The following BBS9 variants were observed in gnomAD, a reference collection of about 807,000 sequenced individuals.
BBS9 encodes the protein protein PTHB1.
Under a neutral mutation model 117.7 loss-of-function variants are expected in BBS9, and 89 were observed. That is an observed-to-expected ratio of 0.76 (90% CI 0.64 to 0.90). The LOEUF (loss-of-function observed/expected upper bound fraction) is 0.90, where lower values mean the gene tolerates loss of function less well. Among genes scored for constraint, BBS9 ranks in the 40% least tolerant of loss-of-function variants. The probability of loss-of-function intolerance (pLI) is 0.00; values close to 1 mark genes in which losing one functional copy is unlikely to be tolerated. For synonymous variants in BBS9, 379 were observed against 370.9 expected (o/e 1.02, Z -0.25); for missense variants, 982 against 1,042.2 (o/e 0.94, Z 0.80).
intron 19 of BBS9, among the ~76,000 whole-genome samples, chr7:33,456,698 G>C (rs533503496): frequency 6.6e-6 from 1 of 151,956 alleles, no homozygotes; most frequent in East Asian, 1.9e-4. Context: ...CAGGCTTGCT[G>C]TCATGGATAA....
At chr7:33,351,443 C>A in intron 14 of BBS9, 120 bp downstream of exon 14, 1 of 768,066 alleles carries the variant, frequency 1.3e-6, no homozygotes, top group Non-Finnish European at 2.3e-6. Flanking sequence ...TTATTTTCTA[C>A]TGTTAAGTAA....
intron 11 of BBS9, among the ~76,000 whole-genome samples, chr7:33,343,927 C>T (rs1347033638): frequency 6.6e-6 from 1 of 152,006 alleles, no homozygotes. Flanking sequence ...GAAAGAATGG[C>T]ATAATATTTT....
intron 5 of BBS9, among the ~76,000 whole-genome samples, chr7:33,179,369 C>T (rs914280121): frequency 2.0e-5 from 3 of 152,126 alleles, no homozygotes; most frequent in Non-Finnish European, 4.4e-5. Context: ...AGGAGGTGAG[C>T]GGCAGGTGAG....
chr7:33,619,124 A>C (rs527887601), intron 21 of BBS9, among the ~76,000 whole-genome samples: 1 of 152,266 alleles, frequency 6.6e-6, no homozygotes, highest in East Asian at 1.9e-4. Context: ...TTTACCTTTA[A>C]AAATACACAT....
At position 33,459,087 on chromosome 7, in the gene BBS9, C is replaced by T. The variant is rs573375802; in HGVS notation, c.2116-46376C>T. On this transcript the variant is annotated intron_variant, in intron 19 of 22. Coordinates refer to ENST00000242067, the MANE Select transcript of BBS9 (RefSeq NM_198428.3). ...GTGTTAAACCAGTTATTAAAAGGGC[C>T]TTATTGCCAATTACTGAAGAGGAAA... Among the ~76,000 whole-genome samples, 7 of 152,140 alleles carry T rather than the reference C, an allele frequency of 4.6e-5. No homozygotes were observed. The East Asian group carries it at 1.2e-3, about 25-fold the overall frequency.
intron 7 of BBS9, among the ~76,000 whole-genome samples, chr7:33,268,485 G>A (rs1799192966): frequency 1.3e-5 from 2 of 152,144 alleles, no homozygotes; most frequent in South Asian, 4.1e-4. Flanking sequence ...CACTCACCTC[G>A]TTTGTTTTCT....
At chr7:33,428,252 T>A (rs1281997324) in intron 19 of BBS9, among the ~76,000 whole-genome samples, 1 of 152,196 alleles carries the variant, frequency 6.6e-6, no homozygotes, top group Non-Finnish European at 1.5e-5. Flanking sequence ...TTAGTCACAT[T>A]TGTGCAATTG....
intron 20 of BBS9, among the ~76,000 whole-genome samples, chr7:33,529,070 C>G (rs903620932): frequency 6.6e-6 from 1 of 152,212 alleles, no homozygotes; most frequent in East Asian, 1.9e-4. Flanking sequence ...CATAGCTCAG[C>G]TGAATTCAGT....
At chr7:33,240,424 A>G in intron 5 of BBS9, among the ~76,000 whole-genome samples, 1 of 151,992 alleles carries the variant, frequency 6.6e-6, no homozygotes, top group East Asian at 1.9e-4. Context: ...TGCCTGGCTA[A>G]TTTTTTTATT....
In BBS9 at chr7:33,247,348, C is replaced by T. The variant is rs559780340; in HGVS notation, c.443-9888C>T. ...CAGTTGAGGAAACTGATAGAGCTCCCAGGGGTCTGGGATAAGGATGCAGCA... is the reference window on the plus strand; with the variant it reads ...CAGTTGAGGAAACTGATAGAGCTCCTAGGGGTCTGGGATAAGGATGCAGCA... On this transcript the variant is annotated intron_variant, in intron 5 of 22. Transcript: ENST00000242067. Among the ~76,000 whole-genome samples, 5 of 152,176 alleles carry T rather than the reference C, an allele frequency of 3.3e-5. No individual in the cohort carries two copies. In the South Asian group the frequency reaches 1.0e-3, roughly 32 times the overall value.
intron 21 of BBS9, among the ~76,000 whole-genome samples, chr7:33,540,703 G>A (rs1852157250): frequency 2.0e-5 from 3 of 152,198 alleles, no homozygotes. Context: ...TTTTTCAAAA[G>A]GAAGTTATTA....
intron 5 of BBS9, among the ~76,000 whole-genome samples, chr7:33,250,568 G>T (rs1233231175): frequency 6.6e-6 from 1 of 152,178 alleles, no homozygotes; most frequent in Non-Finnish European, 1.5e-5. Flanking sequence ...CCTTTGGTAT[G>T]TATTCTGAAG....
chr7:33,506,714 A>AT (rs200019527), intron 20 of BBS9, among the ~76,000 whole-genome samples: 31 of 151,734 alleles, frequency 2.0e-4, no homozygotes, highest in East Asian at 3.9e-4. Context: ...GGATTGCCAG[A>AT]TTTTTTTTTA....
intron 17 of BBS9, among the ~76,000 whole-genome samples, chr7:33,372,032 G>T (rs991945586): frequency 6.6e-6 from 1 of 152,124 alleles, no homozygotes; most frequent in Non-Finnish European, 1.5e-5. Flanking sequence ...AAAATTAATG[G>T]GTTCACCTGA....
Position 33,527,787 on chromosome 7 carries a change from T to C in BBS9, c.2299-6167T>C, listed in dbSNP as rs182901857. On this transcript the variant is annotated intron_variant, in intron 20 of 22. Coordinates refer to ENST00000242067, the MANE Select transcript of BBS9 (RefSeq NM_198428.3). ...TGGCTCCTCCTCTCGGGCTGTTTTA[T>C]TTTTCAAAGGTGAATTGCTCAACAT... Among the ~76,000 whole-genome samples the C allele has an allele frequency of 3.4e-3, 513 of 152,308 alleles. 3 individuals are homozygous for C. The highest frequency in any genetic ancestry group is 0.012 in the African/African-American group (489 of 41,572).
chr7:33,335,600 TA>T (rs932769439), intron 9 of BBS9, among the ~76,000 whole-genome samples: 20 of 152,196 alleles, frequency 1.3e-4, no homozygotes, highest in African/African-American at 4.6e-4. Flanking sequence ...AAAACAACTT[TA>T]AAAAAATTGT....
At chr7:33,363,614 T>C (rs1821046520) in intron 16 of BBS9, among the ~76,000 whole-genome samples, 1 of 152,174 alleles carries the variant, frequency 6.6e-6, no homozygotes, top group African/African-American at 2.4e-5. Flanking sequence ...GGGATAATGT[T>C]GAATAGAAAT....
chr7:33,165,470 C>G (rs1462908164), intron 4 of BBS9, among the ~76,000 whole-genome samples: 3 of 152,012 alleles, frequency 2.0e-5, no homozygotes, highest in Non-Finnish European at 4.4e-5. Context: ...GTACACCAGT[C>G]AAACGTAGAT....
intron 19 of BBS9, among the ~76,000 whole-genome samples, chr7:33,468,907 T>G (rs1434701850): frequency 6.6e-6 from 1 of 152,190 alleles, no homozygotes; most frequent in Non-Finnish European, 1.5e-5. Flanking sequence ...CATTCATCCA[T>G]TGGTGGACAC....
Sources: gnomAD v4.1 joint callset for allele counts (sites outside exome capture counted in the v4.1 genomes callset) on GRCh38, gnomAD v4.1.1 for gene constraint, MANE v1.5 for transcripts, NCBI Gene and HGNC (gene_info 2026-07-23, HGNC 2026-07-21) for gene names.